Variants in LMO7 observed in about 807,000 individuals in gnomAD.
The protein encoded by LMO7 is LIM domain 7, also known as LIM domain only protein 7.
A neutral mutation model predicts 206.5 loss-of-function variants in LMO7; 120 were observed. The ratio of observed to expected loss-of-function variants is 0.58; its 90% CI spans 0.50 to 0.68. The LOEUF is 0.68. LMO7 is among the 30% of genes least tolerant of loss of function. The probability of loss-of-function intolerance (pLI) is 0.00; values close to 1 mark genes in which losing one functional copy is unlikely to be tolerated. For synonymous variants in LMO7, 706 were observed against 681.5 expected (o/e 1.04, Z -0.56); for missense variants, 1,959 against 1,957.9 (o/e 1.00, Z -0.01).
intron 1 of LMO7, among the ~76,000 whole-genome samples, chr13:75,676,792 A>G (rs1047223980): frequency 3.9e-5 from 6 of 152,186 alleles, no homozygotes; most frequent in African/African-American, 1.4e-4. Context: ...TTTTAAACAA[A>G]AACAGTGATT....
In LMO7 at chr13:75,760,189, C is replaced by T. The variant is rs9573655; in HGVS notation, c.211-743C>T. 5.1e-4 allele frequency: 86 copies of T among 169,004 alleles called. 2 individuals are homozygous for T. The East Asian group carries it at 0.015, about 29-fold the overall frequency. 10.5% of individuals were successfully genotyped at this position (169,004 alleles called of 1,614,324 possible). ...GTGTTTGCACAGCAGTTTACATTAACGAAGAGCACTGGTTTGTGAATGGAG... is the reference window on the plus strand; with the variant it reads ...GTGTTTGCACAGCAGTTTACATTAATGAAGAGCACTGGTTTGTGAATGGAG... On this transcript the variant is annotated intron_variant, in intron 3 of 30. Transcript: ENST00000377534.
chr13:75,804,640 A>G, intron 8 of LMO7, 99 bp downstream of exon 8: 1 of 1,369,746 alleles, frequency 7.3e-7, no homozygotes, highest in South Asian at 1.5e-5. Flanking sequence ...TGTTTCATAG[A>G]TCATATATTA....
intron 1 of LMO7, among the ~76,000 whole-genome samples, chr13:75,653,960 A>T (rs1316190817): frequency 6.6e-6 from 1 of 152,230 alleles, no homozygotes; most frequent in African/African-American, 2.4e-5. Context: ...TGTTTTTGCA[A>T]CCATAGTGGA....
At chr13:75,649,083 A>G (rs1045024626) in intron 1 of LMO7, among the ~76,000 whole-genome samples, 8 of 152,202 alleles carry the variant, frequency 5.3e-5, no homozygotes, top group African/African-American at 1.7e-4. Context: ...GGATTCGTTG[A>G]ATTGTTCTGT....
At chr13:75,680,864 G>A (rs141428511) in intron 1 of LMO7, among the ~76,000 whole-genome samples, 31 of 152,058 alleles carry the variant, frequency 2.0e-4, no homozygotes, top group African/African-American at 7.0e-4. Context: ...TTTAATAATT[G>A]CCATTTTGAC....
At chr13:75,640,819 T>C (rs541266096) in intron 1 of LMO7, among the ~76,000 whole-genome samples, 1 of 152,346 alleles carries the variant, frequency 6.6e-6, no homozygotes, top group South Asian at 2.1e-4. Flanking sequence ...TTGGTTGCAG[T>C]TGTTTGGTTG....
At chr13:75,838,301 T>C in intron 20 of LMO7, 105 bp downstream of exon 20, 3 of 1,551,320 alleles carry the variant, frequency 1.9e-6, no homozygotes, top group Admixed American at 3.6e-5. Context: ...TCAATTTGTC[T>C]GTCATTATGA....
intron 2 of LMO7, among the ~76,000 whole-genome samples, chr13:75,714,282 G>A (rs8000663): frequency 0.071 from 10,861 of 152,098 alleles, 817 homozygotes; most frequent in African/African-American, 0.19. Flanking sequence ...TTTCTCATCG[G>A]TAAAGTAGAG....
At chr13:75,663,841 A>G (rs2038863702) in intron 1 of LMO7, among the ~76,000 whole-genome samples, 1 of 151,992 alleles carries the variant, frequency 6.6e-6, no homozygotes, top group Admixed American at 6.6e-5. Flanking sequence ...CTTTTTTTTA[A>G]TTTTTAATTT....
intron 14 of LMO7, among the ~76,000 whole-genome samples, chr13:75,822,250 C>A (rs1003112898): frequency 6.6e-6 from 1 of 152,016 alleles, no homozygotes; most frequent in Non-Finnish European, 1.5e-5. Context: ...TTCTTTTTAG[C>A]TCTGCTAATG....
intron 2 of LMO7, among the ~76,000 whole-genome samples, chr13:75,717,622 TGG>T (rs2043663940): frequency 6.6e-6 from 1 of 152,182 alleles, no homozygotes; most frequent in South Asian, 2.1e-4. Context: ...CTGTTTACTC[TGG>T]GACACTCAGA....
At chr13:75,694,994 C>T (rs1429310366) in intron 1 of LMO7, among the ~76,000 whole-genome samples, 2 of 152,136 alleles carry the variant, frequency 1.3e-5, no homozygotes, top group African/African-American at 2.4e-5. Context: ...CGGATTAACC[C>T]GGGCCCTCCT....
chr13:75,696,950 CT>C (rs2041950412), intron 1 of LMO7, among the ~76,000 whole-genome samples: 1 of 152,042 alleles, frequency 6.6e-6, no homozygotes, highest in Non-Finnish European at 1.5e-5. Flanking sequence ...CAGACTGTTT[CT>C]TTTTTAAAGG....
rs913605439 is a variant in LMO7 at position 75,820,912 on chromosome 13, G to C, written c.2208-265G>C. ...CTCGGGAGGCTGAGTCAGGAGAATT[G>C]CTTGAATGCGGGAGGCGGAGGTTGC... On this transcript the variant is annotated intron_variant, in intron 13 of 30. Coordinates refer to ENST00000377534, the MANE Select transcript of LMO7 (RefSeq NM_001306080.2). Among the ~76,000 whole-genome samples the C allele has an allele frequency of 4.6e-5, 7 of 151,912 alleles. No individual in the cohort carries two copies. The East Asian group carries it at 1.4e-3, about 29-fold the overall frequency.
At chr13:75,726,646 A>C (rs1285018659) in intron 2 of LMO7, among the ~76,000 whole-genome samples, 1 of 152,136 alleles carries the variant, frequency 6.6e-6, no homozygotes, top group Non-Finnish European at 1.5e-5. Context: ...CAATCAATGA[A>C]AACTATTAGT....
At chr13:75,724,804 G>T (rs923131090) in intron 2 of LMO7, among the ~76,000 whole-genome samples, 16 of 152,122 alleles carry the variant, frequency 1.1e-4, no homozygotes, top group African/African-American at 3.6e-4. Context: ...TCTCCGTCTT[G>T]TAGTCCTTAG....
At position 75,821,424 on chromosome 13, in the gene LMO7, G is replaced by C; in HGVS notation, c.2455G>C (p.Glu819Gln). 1 of 1,614,156 alleles carries C rather than the reference G, an allele frequency of 6.2e-7. No homozygotes were observed. Among genetic ancestry groups the C allele is most frequent in the Non-Finnish European group, 8.5e-7 (1 of 1,180,012 alleles). Residue 819 changes from glutamate to glutamine, a missense_variant, in exon 14 of 31, where the codon GAA becomes CAA. Transcript: ENST00000377534. The stretch of plus-strand genomic sequence containing the variant: ...GCTTCCTTCTCAAAGTCCTGTGGAA[G>C]AACAAAGCCCAGCCTCTTTGTCTTC... ...IQLPSQSPVE[E>Q]QSPASLSSLR...
At position 75,842,003 on chromosome 13, in the gene LMO7, G is replaced by C; in HGVS notation, c.4031+20G>C. 6.3e-7 allele frequency: 1 copy of C among 1,575,276 alleles called. No homozygotes were observed. Among genetic ancestry groups the C allele is most frequent in the Non-Finnish European group, 8.7e-7 (1 of 1,152,858 alleles). The stretch of plus-strand genomic sequence containing the variant: ...CAGGAGGTATGTCCCCACAGCCAGA[G>C]GGTACAAAGGCTTAGCTGTATCCAT... On this transcript the variant is annotated intron_variant, in intron 24 of 30. Coordinates refer to ENST00000377534, the MANE Select transcript of LMO7 (RefSeq NM_001306080.2).
At chr13:75,636,869 A>C in intron 1 of LMO7, 143 bp downstream of exon 1, 1 of 785,056 alleles carries the variant, frequency 1.3e-6, no homozygotes, top group South Asian at 1.5e-5. Flanking sequence ...TTGCTTGTGC[A>C]CTTTTGGGGA....
Sources: gnomAD v4.1 joint callset for allele counts (sites outside exome capture counted in the v4.1 genomes callset) on GRCh38, gnomAD v4.1.1 for gene constraint, MANE v1.5 for transcripts, NCBI Gene and HGNC (gene_info 2026-07-23, HGNC 2026-07-21) for gene names.